CMTM2: variants seen among roughly 807,000 people sequenced by gnomAD.
CMTM2 encodes the protein CKLF like MARVEL transmembrane domain containing 2.
CMTM2 carries 15 observed loss-of-function variants against 16.8 expected under a neutral mutation model. The observed-to-expected ratio is 0.89, with a 90% confidence interval of 0.60 to 1.37. The LOEUF (loss-of-function observed/expected upper bound fraction) is 1.37, where lower values mean the gene tolerates loss of function less well. Among genes scored for constraint, CMTM2 ranks in the 40% most tolerant of loss-of-function variants. CMTM2 has a pLI of 0.00. For synonymous variants in CMTM2, 117 were observed against 118.7 expected (o/e 0.99, Z 0.09); for missense variants, 282 against 318.0 (o/e 0.89, Z 0.86).
chr16:66,582,317 C>T (rs558035934), intron 2 of CMTM2, among the ~76,000 whole-genome samples: 6 of 152,200 alleles, frequency 3.9e-5, no homozygotes, highest in Middle Eastern at 3.4e-3. Context: ...GAACTGTTAA[C>T]TGAAAGGTAT....
At chr16:66,580,506 G>A (rs568916630) in intron 2 of CMTM2, 10 of 309,018 alleles carry the variant, frequency 3.2e-5, no homozygotes, top group South Asian at 5.6e-5. Flanking sequence ...CCGAACTCCT[G>A]TGCCAGCTCA....
chr16:66,588,230 A>G lies in CMTM2; in HGVS notation c.*111A>G. ...GGTTTTCTTTTCCATTTTCATTACC[A>G]CCTTTGCTTGGAAAAGAATGGATTA... On this transcript the variant is annotated 3_prime_UTR_variant, in exon 4 of 4. Transcript: ENST00000268595. 1 of 975,114 alleles carries G rather than the reference A, an allele frequency of 1.0e-6. No homozygotes were observed. The highest frequency in any genetic ancestry group is 1.5e-6 in the Non-Finnish European group (1 of 656,700). 60.4% of individuals were successfully genotyped at this position (975,114 alleles called of 1,614,324 possible).
Position 66,579,489 on chromosome 16 carries a change from G to C in CMTM2, c.-119G>C. 7.9e-7 allele frequency: 1 copy of C among 1,273,124 alleles called. No homozygotes were observed. Among genetic ancestry groups the C allele is most frequent in the East Asian group, 2.3e-5 (1 of 42,682 alleles). The allele number at this position is 1,273,124 out of a possible 1,614,324, so 78.9% of individuals were successfully genotyped here. On this transcript the variant is annotated 5_prime_UTR_variant, in exon 1 of 4. Coordinates refer to ENST00000268595, the MANE Select transcript of CMTM2 (RefSeq NM_144673.3). The surrounding 1 kb of genome is among the most constrained non-coding windows in gnomAD (Gnocchi z 6.5). ...TTCGGTGGTCCTGGCAGTTAGCTGA[G>C]CACGCCCTCTGAGCCGCTCGGTGGA... is the stretch of plus-strand genomic sequence containing the variant.
chr16:66,587,676 A>G (rs1054430953), intron 3 of CMTM2, among the ~76,000 whole-genome samples: 7 of 152,208 alleles, frequency 4.6e-5, no homozygotes, highest in African/African-American at 1.7e-4. Flanking sequence ...CCCAGAGCAA[A>G]CAGTCCCACT....
At chr16:66,580,524 CAGG>C (rs920037964) in intron 2 of CMTM2, 8 of 283,276 alleles carry the variant, frequency 2.8e-5, no homozygotes, top group African/African-American at 8.7e-5. Flanking sequence ...TCACACTTGA[CAGG>C]AGATCACCCC....
Position 66,588,197 on chromosome 16 carries a change from T to G in CMTM2, c.*78T>G. The G allele has an allele frequency of 7.4e-7, 1 of 1,347,638 alleles. No individual in the cohort carries two copies. Among genetic ancestry groups the G allele is most frequent in the African/African-American group, 1.5e-5 (1 of 68,404 alleles). 83.5% of individuals were successfully genotyped at this position (1,347,638 alleles called of 1,614,324 possible). On this transcript the variant is annotated 3_prime_UTR_variant, in exon 4 of 4. Transcript: ENST00000268595. ...TTTCCACTCTCTTCCTTGTCTTCTT[T>G]CTGGAATGGTTTTCTTTTCCATTTT...
At chr16:66,587,510 T>C (rs546893851) in intron 3 of CMTM2, among the ~76,000 whole-genome samples, 1 of 151,696 alleles carries the variant, frequency 6.6e-6, no homozygotes, top group East Asian at 1.9e-4. Context: ...CGAGCAGAGA[T>C]TGCAGCACTG....
Position 66,588,052 on chromosome 16 carries a change from A to T in CMTM2, c.680A>T (p.Lys227Met), listed in dbSNP as rs370183996. The T allele has an allele frequency of 6.2e-7, 1 of 1,613,568 alleles. No individual in the cohort carries two copies. The highest frequency in any genetic ancestry group is 1.3e-5 in the African/African-American group (1 of 74,928). Residue 227 changes from lysine to methionine, a missense_variant, in exon 4 of 4, where the codon AAG becomes ATG. Coordinates refer to ENST00000268595, the MANE Select transcript of CMTM2 (RefSeq NM_144673.3). ...AAGGAAAAAGGACCCCAGCAGGGCAAGGGACCAGAACCCGCCAAGCCACCA... is the reference window on the plus strand; with the variant it reads ...AAGGAAAAAGGACCCCAGCAGGGCATGGGACCAGAACCCGCCAAGCCACCA... ...PGKEKGPQQG[K>M]GPEPAKPPEP...
intron 3 of CMTM2, 87 bp from the exon 4 acceptor site, chr16:66,587,832 C>A: frequency 7.5e-7 from 1 of 1,329,388 alleles, no homozygotes; most frequent in Non-Finnish European, 1.1e-6. Context: ...TGTGAAACAG[C>A]ACCCCCTGAT....
chr16:66,587,165 C>T (rs2014803375), intron 3 of CMTM2, 67 bp downstream of exon 3: 5 of 1,280,452 alleles, frequency 3.9e-6, no homozygotes, highest in Non-Finnish European at 5.7e-6. Context: ...TGGGTGTTGT[C>T]CTCTGTTTAA....
chr16:66,587,910 G>A lies in CMTM2; in HGVS notation c.547-9G>A. The A allele has an allele frequency of 6.2e-7, 1 of 1,613,670 alleles. No homozygotes were observed. Among genetic ancestry groups the A allele is most frequent in the Non-Finnish European group, 8.5e-7 (1 of 1,179,914 alleles). ...AAGCAAAAGTCATGAGGACCGTTTT[G>A]TTTTCCAGATCCTTATTGGTGCGGC... On this transcript the variant is annotated splice_polypyrimidine_tract_variant and intron_variant, in intron 3 of 3. Coordinates refer to ENST00000268595, the MANE Select transcript of CMTM2 (RefSeq NM_144673.3).
At chr16:66,582,822 C>T (rs1227027025) in intron 2 of CMTM2, among the ~76,000 whole-genome samples, 1 of 151,826 alleles carries the variant, frequency 6.6e-6, no homozygotes, top group Admixed American at 6.6e-5. Context: ...TGCAGTGAGC[C>T]GAGATCGTGC....
Position 66,579,749 on chromosome 16 carries a change from C to T in CMTM2, c.142C>T (p.Pro48Ser). 1.2e-6 allele frequency: 2 copies of T among 1,613,898 alleles called. No homozygotes were observed. Among genetic ancestry groups the T allele is most frequent in the Non-Finnish European group, 1.7e-6 (2 of 1,179,924 alleles). Reference protein sequence around the residue: ...PQKAVQDHKEPSDKPQKAVQP... With the variant: ...PQKAVQDHKESSDKPQKAVQP... ...AAAGGCGGTGCAGGACCATAAGGAG[C>T]CATCGGACAAACCTCAAAAGGCGGT... Residue 48 changes from proline (P) to serine (S), a missense_variant, in exon 1 of 4, where the codon CCA (proline) becomes TCA (serine). Pro to Ser is a moderately conservative substitution (Grantham distance 74). Transcript: ENST00000268595. The surrounding 1 kb of genome is among the most constrained non-coding windows in gnomAD (Gnocchi z 6.5).
rs1013433548 is a variant in CMTM2, at chr16:66,579,801, G to A, written c.194G>A (p.Arg65Lys). 3 of 1,613,832 alleles carry A rather than the reference G, an allele frequency of 1.9e-6. No homozygotes were observed. The highest frequency in any genetic ancestry group is 1.7e-6 in the Non-Finnish European group (2 of 1,180,014). ...CAGCCCAAGCACGAAGTGGGCACGA[G>A]GAGGGGGTGTCGCCGCTACCGGTGG... ...AVQPKHEVGT[R>K]RGCRRYRWEL... The change falls in exon 1 of 4, where the codon AGG (arginine) becomes AAG (lysine). Residue 65 changes from arginine (R) to lysine (K), a missense_variant. By Grantham distance (26) the Arg-to-Lys change is conservative. Transcript: ENST00000268595. This position sits in a 1 kb window ranked among gnomAD's most constrained non-coding sequence, Gnocchi z 6.5.
intron 2 of CMTM2, among the ~76,000 whole-genome samples, chr16:66,581,793 T>C (rs1033819713): frequency 3.4e-4 from 51 of 152,190 alleles, no homozygotes; most frequent in African/African-American, 1.2e-3. Flanking sequence ...GCCTGCCCTT[T>C]GTACAGATTG....
rs1479212035 is a variant in CMTM2 at position 66,580,568 on chromosome 16, G to A, written c.444+384G>A. The A allele has an allele frequency of 3.0e-5, 6 of 197,746 alleles. 1 individual carries two copies. In the South Asian group the frequency reaches 4.8e-4, roughly 16 times the overall value. The allele number at this position is 197,746 out of a possible 1,614,324, so 12.2% of individuals were successfully genotyped here. On this transcript the variant is annotated intron_variant, in intron 2 of 3. Transcript: ENST00000268595. Reference sequence around the variant, plus strand: ...GACCCCATTCCCAAAATTCAAAGAAGAAAATTACTCTCCCATAAGTCAATA... The same window carrying A: ...GACCCCATTCCCAAAATTCAAAGAAAAAAATTACTCTCCCATAAGTCAATA...
chr16:66,587,986 G>T lies in CMTM2; in HGVS notation c.614G>T (p.Gly205Val). 1.9e-6 allele frequency: 3 copies of T among 1,614,142 alleles called. No homozygotes were observed. The South Asian group carries it at 3.3e-5, about 18-fold the overall frequency. ...DVCLQRNHFR[G>V]KKAKKHMLVP... ...TGTCTTCAAAGAAACCACTTCAGAG[G>T]CAAGAAGGCCAAAAAGCATATGCTG... Residue 205 changes from glycine to valine, a missense_variant, in exon 4 of 4, where the codon GGC becomes GTC. Transcript: ENST00000268595.
At position 66,587,934 on chromosome 16, in the gene CMTM2, G is replaced by T. The variant is rs763739362; in HGVS notation, c.562G>T (p.Ala188Ser). The T allele has an allele frequency of 6.2e-7, 1 of 1,614,172 alleles. No individual in the cohort carries two copies. The highest frequency in any genetic ancestry group is 8.5e-7 in the Non-Finnish European group (1 of 1,180,024). The change falls in exon 4 of 4, where the codon GCT becomes TCT. Residue 188 changes from alanine to serine, a missense_variant. Coordinates refer to ENST00000268595, the MANE Select transcript of CMTM2 (RefSeq NM_144673.3). ...YLLAVILIGA[A>S]GVFAFIDVCL... is the part of the protein sequence containing the mutation. ...TGTTTTCCAGATCCTTATTGGTGCG[G>T]CTGGAGTTTTTGCTTTTATCGATGT...
intron 2 of CMTM2, among the ~76,000 whole-genome samples, chr16:66,581,829 C>T (rs1265805691): frequency 2.0e-5 from 3 of 152,136 alleles, no homozygotes; most frequent in Non-Finnish European, 4.4e-5. Context: ...TTATCTGCAG[C>T]CTAGAAACCT....
Sources: allele counts gnomAD v4.1 joint callset (sites outside exome capture counted in the v4.1 genomes callset), GRCh38; gene constraint gnomAD v4.1.1; non-coding constraint Gnocchi (gnomAD v3.1); transcripts MANE v1.5; gene names NCBI Gene and HGNC (gene_info 2026-07-23, HGNC 2026-07-21).